Variants in OTOA observed in about 807,000 individuals in gnomAD.
OTOA encodes otoancorin, also known as cancer/testis antigen 108.
A neutral mutation model predicts 110.8 loss-of-function variants in OTOA; 70 were observed. The observed-to-expected ratio is 0.63, with a 90% CI of 0.52 to 0.77. The LOEUF (loss-of-function observed/expected upper bound fraction) is 0.77. Ranked by LOEUF, OTOA falls within the 30% of genes least tolerant of loss-of-function variation. OTOA has a pLI of 0.00. For synonymous variants in OTOA, 373 were observed against 431.5 expected (o/e 0.86, Z 1.68); for missense variants, 917 against 1,075.8 (o/e 0.85, Z 2.06).
intron 15 of OTOA, among the ~76,000 whole-genome samples, chr16:21,717,461 G>A (rs1898593622): frequency 6.6e-6 from 1 of 152,040 alleles, no homozygotes; most frequent in Non-Finnish European, 1.5e-5. Flanking sequence ...AGTTAGACAA[G>A]ACCTGAGCAT....
At chr16:21,688,026 C>A (rs557417978) in intron 8 of OTOA, among the ~76,000 whole-genome samples, 11 of 152,166 alleles carry the variant, frequency 7.2e-5, no homozygotes, top group African/African-American at 2.4e-4. Context: ...GCAAAGAGAT[C>A]TCACCTGGCA....
At chr16:21,732,321 G>A (rs995853458) in intron 21 of OTOA, among the ~76,000 whole-genome samples, 21 of 152,054 alleles carry the variant, frequency 1.4e-4, no homozygotes, top group Non-Finnish European at 3.1e-4. Flanking sequence ...TTTTTCTTAT[G>A]TTTAGATGTT....
intron 1 of OTOA, among the ~76,000 whole-genome samples, chr16:21,672,667 T>C (rs908695832): frequency 6.6e-6 from 1 of 151,888 alleles, no homozygotes; most frequent in Non-Finnish European, 1.5e-5. Flanking sequence ...TACATATTTA[T>C]GGGGTACATA....
At chr16:21,705,538 G>T (rs139433079) in intron 12 of OTOA, 17 of 550,276 alleles carry the variant, frequency 3.1e-5, no homozygotes, top group Non-Finnish European at 5.0e-5. Flanking sequence ...AGCCAGGCGC[G>T]GTGGCTCATG....
At chr16:21,760,329 T>C in intron 28 of OTOA, 141 bp from the exon 29 acceptor site, 1 of 662,930 alleles carries the variant, frequency 1.5e-6, no homozygotes, top group South Asian at 1.5e-5. Context: ...TGGGGATCAT[T>C]GTTCCCATTT....
chr16:21,667,052 G>A (rs1421451498), intron 1 of OTOA, among the ~76,000 whole-genome samples: 1 of 152,146 alleles, frequency 6.6e-6, no homozygotes, highest in Non-Finnish European at 1.5e-5. Flanking sequence ...AGAAAAAAGG[G>A]TCAAAGGTTC....
At chr16:21,680,771 T>G (rs1276723958) in intron 5 of OTOA, among the ~76,000 whole-genome samples, 1 of 150,412 alleles carries the variant, frequency 6.6e-6, no homozygotes, top group Admixed American at 6.7e-5. Context: ...GAGAATCGCT[T>G]GAACCTGGGA....
At chr16:21,734,764 G>C (rs1026510134) in intron 21 of OTOA, among the ~76,000 whole-genome samples, 1 of 152,140 alleles carries the variant, frequency 6.6e-6, no homozygotes, top group East Asian at 1.9e-4. Context: ...GTGAACCCAG[G>C]GGGCAGAGCT....
chr16:21,693,061 C>A (rs778325708), intron 9 of OTOA, among the ~76,000 whole-genome samples: 1 of 152,058 alleles, frequency 6.6e-6, no homozygotes, highest in Non-Finnish European at 1.5e-5. Flanking sequence ...TTGAGACCAG[C>A]CTGGCCAACA....
At chr16:21,735,378 C>T (rs1284739758) in intron 21 of OTOA, among the ~76,000 whole-genome samples, 2 of 151,798 alleles carry the variant, frequency 1.3e-5, no homozygotes, top group African/African-American at 4.8e-5. Context: ...AACGCACGCA[C>T]TATTGTGAGG....
At chr16:21,689,253 A>T (rs1251748780) in intron 8 of OTOA, among the ~76,000 whole-genome samples, 3 of 152,172 alleles carry the variant, frequency 2.0e-5, no homozygotes, top group Non-Finnish European at 4.4e-5. Context: ...GATTCCTTTT[A>T]TCTTTTGTAG....
chr16:21,697,742 G>A (rs201891403), intron 9 of OTOA, 33 bp from the exon 10 acceptor site: 1 of 1,580,344 alleles, frequency 6.3e-7, no homozygotes, highest in East Asian at 2.2e-5. Flanking sequence ...ATTTATGTAT[G>A]TACTCATTTA....
chr16:21,682,263 C>G (rs1378088243), intron 6 of OTOA, among the ~76,000 whole-genome samples: 1 of 152,176 alleles, frequency 6.6e-6, no homozygotes, highest in Non-Finnish European at 1.5e-5. Flanking sequence ...CTTCCTTTCT[C>G]CAATCCAGGG....
intron 22 of OTOA, among the ~76,000 whole-genome samples, chr16:21,738,924 G>A (rs1899442343): frequency 6.6e-6 from 1 of 151,114 alleles, no homozygotes; most frequent in Non-Finnish European, 1.5e-5. Flanking sequence ...TCTTGGATTT[G>A]TACCCAAAGT....
chr16:21,716,590 A>G (rs1898561042), intron 14 of OTOA, among the ~76,000 whole-genome samples: 1 of 152,066 alleles, frequency 6.6e-6, no homozygotes, highest in Non-Finnish European at 1.5e-5. Context: ...AAAAAACCCT[A>G]AAACCTAAGG....
intron 1 of OTOA, among the ~76,000 whole-genome samples, chr16:21,665,070 G>A (rs1396059031): frequency 6.6e-6 from 1 of 152,172 alleles, no homozygotes; most frequent in African/African-American, 2.4e-5. Flanking sequence ...TGCCTACTAT[G>A]CAGAGGAGGA....
intron 12 of OTOA, among the ~76,000 whole-genome samples, chr16:21,707,647 T>C (rs1898222342): frequency 8.7e-6 from 1 of 114,430 alleles, no homozygotes; most frequent in Non-Finnish European, 1.9e-5. Flanking sequence ...CTTTCTTTCT[T>C]TCTTTCTTTC....
chr16:21,694,996 G>A (rs972947278), intron 9 of OTOA, among the ~76,000 whole-genome samples: 1 of 151,670 alleles, frequency 6.6e-6, no homozygotes, highest in Non-Finnish European at 1.5e-5. Context: ...CTTATACGGT[G>A]CGCTTCATTA....
chr16:21,699,758 A>G (rs1405492922), intron 10 of OTOA, among the ~76,000 whole-genome samples: 2 of 152,050 alleles, frequency 1.3e-5, no homozygotes. Flanking sequence ...GTCTCTACTA[A>G]AAATACAAAA....
Sources: gnomAD v4.1 joint callset for allele counts (sites outside exome capture counted in the v4.1 genomes callset) on GRCh38, gnomAD v4.1.1 for gene constraint, MANE v1.5 for transcripts, NCBI Gene and HGNC (gene_info 2026-07-23, HGNC 2026-07-21) for gene names.